Variants in NXPH1 observed in about 807,000 individuals in gnomAD.
NXPH1 encodes the protein neurexophilin 1.
A neutral mutation model predicts 23.7 loss-of-function variants in NXPH1; 5 were observed. The ratio of observed to expected loss-of-function variants is 0.21; its 90% CI spans 0.11 to 0.44. The LOEUF is 0.44. NXPH1 is among the 20% of genes least tolerant of loss of function. The pLI is 0.99. For missense variants in NXPH1, 324 were observed against 321.6 expected, an observed-to-expected ratio of 1.01 and a Z score of -0.06; for synonymous variants, 144 against 122.2, an observed-to-expected ratio of 1.18 and a Z score of -1.18.
At chr7:8,738,440 T>A (rs1354137876) in intron 2 of NXPH1, among the ~76,000 whole-genome samples, 2 of 152,160 alleles carry the variant, frequency 1.3e-5, no homozygotes, top group African/African-American at 4.8e-5. Context: ...TGGCTGGGTA[T>A]CACCAGAGGA....
intron 2 of NXPH1, among the ~76,000 whole-genome samples, chr7:8,742,673 A>C (rs1465729722): frequency 1.3e-5 from 2 of 151,422 alleles, no homozygotes; most frequent in African/African-American, 4.8e-5. Context: ...CAAAATTTGA[A>C]CAGGTTTTAT....
intron 2 of NXPH1, among the ~76,000 whole-genome samples, chr7:8,467,704 C>T (rs1267785658): frequency 6.6e-6 from 1 of 152,114 alleles, no homozygotes. Flanking sequence ...TCAGGGGAAT[C>T]AGGTTGAAAC....
chr7:8,707,064 T>C (rs1248256511), intron 2 of NXPH1, among the ~76,000 whole-genome samples: 1 of 152,140 alleles, frequency 6.6e-6, no homozygotes, highest in African/African-American at 2.4e-5. Context: ...AAAACAAAAA[T>C]ATTTTAATAT....
chr7:8,624,741 G>A (rs915440268), intron 2 of NXPH1, among the ~76,000 whole-genome samples: 5 of 152,258 alleles, frequency 3.3e-5, no homozygotes, highest in African/African-American at 1.2e-4. Context: ...TTGGGATTAG[G>A]AGTTGAGAGG....
In NXPH1 at chr7:8,674,162, G is replaced by GACACACAC. The variant is rs35790323; in HGVS notation, c.55-76811_55-76804dup. On this transcript the variant is annotated intron_variant, in intron 2 of 2. Transcript: ENST00000405863. Reference sequence around the variant, plus strand: ...TGTCCCTAGTACTTACAAACATATAGACACACACACACACACACACACACA... The same window carrying GACACACAC: ...TGTCCCTAGTACTTACAAACATATAGACACACACACACACACACACACACACACACACA... Among the ~76,000 whole-genome samples, 116 of 86,188 alleles carry GACACACAC rather than the reference G, an allele frequency of 1.3e-3. 1 individual carries two copies. Among genetic ancestry groups the GACACACAC allele is most frequent in the African/African-American group, 3.2e-3 (112 of 34,636 alleles). The allele number at this position is 86,188 out of a possible 152,430, so 56.5% of individuals were successfully genotyped here. A position where few individuals can be genotyped will look rare whatever the true frequency, so the allele number is the denominator to read the frequency against.
In NXPH1 at chr7:8,580,214, C is replaced by T. The variant is rs74733406; in HGVS notation, c.54+144447C>T. 3.6e-3 allele frequency among the ~76,000 whole-genome samples: 545 copies of T among 152,022 alleles called. 3 individuals are homozygous for T. The highest frequency in any genetic ancestry group is 9.9e-3 in the Admixed American group (152 of 15,278). On this transcript the variant is annotated intron_variant, in intron 2 of 2. Coordinates refer to ENST00000405863, the MANE Select transcript of NXPH1 (RefSeq NM_152745.3). ...GGTAGCTTATGCAGCATTTATATGC[C>T]GAATCAAGAATGGGTATGGGCAAAG... is the stretch of plus-strand genomic sequence containing the variant.
At chr7:8,661,082 C>G (rs909646683) in intron 2 of NXPH1, among the ~76,000 whole-genome samples, 26 of 151,952 alleles carry the variant, frequency 1.7e-4, no homozygotes, top group Middle Eastern at 3.4e-3. Flanking sequence ...TGATTGCTTC[C>G]TCTACAAATC....
At chr7:8,570,254 C>A (rs755302195) in intron 2 of NXPH1, among the ~76,000 whole-genome samples, 11 of 151,840 alleles carry the variant, frequency 7.2e-5, no homozygotes, top group Non-Finnish European at 8.8e-5. Context: ...AACTTGGTAA[C>A]TAAAGTGAGA....
intron 2 of NXPH1, among the ~76,000 whole-genome samples, chr7:8,528,900 G>T (rs755149011): frequency 6.6e-6 from 1 of 152,200 alleles, no homozygotes; most frequent in Non-Finnish European, 1.5e-5. Context: ...AGTTTCTGTA[G>T]GTCAGAAGTT....
In NXPH1 at chr7:8,472,988, G is replaced by C. The variant is rs150937182; in HGVS notation, c.54+37221G>C. Among the ~76,000 whole-genome samples, 1,299 of 152,198 alleles carry C rather than the reference G, an allele frequency of 8.5e-3. 6 individuals are homozygous for C. The highest frequency in any genetic ancestry group is 0.013 in the Non-Finnish European group (868 of 67,984). On this transcript the variant is annotated intron_variant, in intron 2 of 2. Transcript: ENST00000405863. ...TTGTCACTGAAACATCTCCTTGTGG[G>C]CCTTCCATAAGAGGCACATATTACT... is the stretch of plus-strand genomic sequence containing the variant.
At chr7:8,688,724 C>G (rs1479505524) in intron 2 of NXPH1, among the ~76,000 whole-genome samples, 1 of 152,170 alleles carries the variant, frequency 6.6e-6, no homozygotes, top group African/African-American at 2.4e-5. Flanking sequence ...AACTCCTGCT[C>G]TCATTTATCT....
At chr7:8,487,694 C>G (rs1817182062) in intron 2 of NXPH1, among the ~76,000 whole-genome samples, 1 of 152,052 alleles carries the variant, frequency 6.6e-6, no homozygotes, top group Non-Finnish European at 1.5e-5. Context: ...CTAGCTTGCT[C>G]TGAAACAAGT....
At chr7:8,721,226 A>G (rs1779964151) in intron 2 of NXPH1, among the ~76,000 whole-genome samples, 1 of 152,214 alleles carries the variant, frequency 6.6e-6, no homozygotes, top group African/African-American at 2.4e-5. Flanking sequence ...ATGGCTCAGA[A>G]AATTTATACA....
intron 2 of NXPH1, among the ~76,000 whole-genome samples, chr7:8,454,255 G>A (rs1262399609): frequency 1.3e-5 from 2 of 152,090 alleles, no homozygotes; most frequent in Non-Finnish European, 2.9e-5. Flanking sequence ...AAAGGAATTT[G>A]TCGAATGGAA....
chr7:8,436,449 A>G (rs1163606886), intron 2 of NXPH1, among the ~76,000 whole-genome samples: 1 of 152,118 alleles, frequency 6.6e-6, no homozygotes. Flanking sequence ...CGCCAGGGAG[A>G]GAATTCTAAA....
At chr7:8,665,196 T>TC (rs1820740895) in intron 2 of NXPH1, among the ~76,000 whole-genome samples, 3 of 152,090 alleles carry the variant, frequency 2.0e-5, no homozygotes, top group Non-Finnish European at 4.4e-5. Flanking sequence ...TTGATTTTTG[T>TC]AAATGGTGTA....
At chr7:8,589,961 A>G (rs1452829032) in intron 2 of NXPH1, among the ~76,000 whole-genome samples, 1 of 152,108 alleles carries the variant, frequency 6.6e-6, no homozygotes, top group Admixed American at 6.6e-5. Context: ...GTGCCCAATA[A>G]CCACATGGGG....
intron 2 of NXPH1, among the ~76,000 whole-genome samples, chr7:8,499,847 A>G (rs1817402298): frequency 1.3e-5 from 2 of 152,074 alleles, no homozygotes; most frequent in Non-Finnish European, 2.9e-5. Context: ...CAGATTTTAC[A>G]GAGAGGGAAG....
intron 2 of NXPH1, among the ~76,000 whole-genome samples, chr7:8,441,511 G>T (rs746654599): frequency 6.6e-6 from 1 of 152,088 alleles, no homozygotes; most frequent in Admixed American, 6.5e-5. Flanking sequence ...GGATAAAAAG[G>T]TTCCGTTGTA....
Sources: allele counts gnomAD v4.1 joint callset (sites outside exome capture counted in the v4.1 genomes callset), GRCh38; gene constraint gnomAD v4.1.1; transcripts MANE v1.5; gene names NCBI Gene and HGNC (gene_info 2026-07-23, HGNC 2026-07-21).